Variants in CCNJL observed in about 807,000 individuals in gnomAD.
The protein encoded by CCNJL is cyclin J like.
CCNJL carries 33 observed loss-of-function variants against 33.4 expected under a neutral mutation model. The observed-to-expected ratio is 0.99, with a 90% CI of 0.75 to 1.32. The LOEUF is 1.32. Among genes scored for constraint, CCNJL ranks in the 40% most tolerant of loss-of-function variants. CCNJL has a pLI of 0.00. For missense variants in CCNJL, 512 were observed against 499.7 expected, an observed-to-expected ratio of 1.02 and a Z score of -0.23; for synonymous variants, 227 against 220.9, an observed-to-expected ratio of 1.03 and a Z score of -0.24.
chr5:160,285,720 T>C (rs573734968), intron 2 of CCNJL, among the ~76,000 whole-genome samples: 18 of 152,362 alleles, frequency 1.2e-4, no homozygotes, highest in African/African-American at 4.1e-4. Flanking sequence ...AGGGTGTGCC[T>C]AGACACAGGC....
chr5:160,258,729 G>A (rs1318135317), intron 4 of CCNJL: 4 of 679,772 alleles, frequency 5.9e-6, no homozygotes, highest in Admixed American at 2.2e-5. Flanking sequence ...ACAGAGTCTC[G>A]CTCTGTTGCC....
rs867573415 is a variant in CCNJL at position 160,321,036 on chromosome 5, T to C, written n.207-5531A>G. Among the ~76,000 whole-genome samples, 87 of 65,664 alleles carry C rather than the reference T, an allele frequency of 1.3e-3. 2 individuals carry two copies. The highest frequency in any genetic ancestry group is 0.013 in the Middle Eastern group (2 of 152). 43.1% of individuals were successfully genotyped at this position (65,664 alleles called of 152,430 possible). Reference sequence around the variant, plus strand: ...TCTCTTTCTTTCTTTCTTTCTTTCTTTCTTTCTTTCTTTCTTTCTTTCTTT... The same window carrying C: ...TCTCTTTCTTTCTTTCTTTCTTTCTCTCTTTCTTTCTTTCTTTCTTTCTTT... On this transcript the variant is annotated intron_variant and non_coding_transcript_variant, in intron 1 of 7. Coordinates refer to the CCNJL transcript ENST00000377503.
chr5:160,259,423 G>T lies in CCNJL; in HGVS notation c.583+46C>A. 1.9e-6 allele frequency: 3 copies of T among 1,553,130 alleles called. No individual in the cohort carries two copies. In the South Asian group the frequency reaches 3.6e-5, roughly 19 times the overall value. On this transcript the variant is annotated intron_variant, in intron 4 of 5. Transcript: ENST00000257536. ...AGCCGCCTGACCCCGACCCCTGGGT[G>T]GTGGGGAAGGGGTGGGAGGTCCTGC...
intron 2 of CCNJL, among the ~76,000 whole-genome samples, chr5:160,285,520 G>A (rs1306843596): frequency 4.0e-5 from 6 of 151,274 alleles, no homozygotes; most frequent in East Asian, 1.9e-4. Context: ...GAGGGAAGTC[G>A]TGGCCAACAG....
intron 4 of CCNJL, 96 bp from the exon 5 acceptor site, chr5:160,255,804 G>T: frequency 9.2e-7 from 1 of 1,082,422 alleles, no homozygotes; most frequent in Non-Finnish European, 1.4e-6. Flanking sequence ...TCGCTTTCAA[G>T]GCTTTTCATC....
intron 1 of CCNJL, among the ~76,000 whole-genome samples, chr5:160,319,478 A>T (rs1368112892): frequency 6.6e-6 from 1 of 152,096 alleles, no homozygotes; most frequent in African/African-American, 2.4e-5. Context: ...CCAAATAATT[A>T]TCCATTGCCT....
At chr5:160,289,212 T>C (rs976659205) in intron 2 of CCNJL, among the ~76,000 whole-genome samples, 3 of 152,126 alleles carry the variant, frequency 2.0e-5, no homozygotes, top group African/African-American at 7.2e-5. Flanking sequence ...TTGAAGCATG[T>C]TTAGGAACTG....
At chr5:160,264,179 C>T (rs994433937) in intron 3 of CCNJL, among the ~76,000 whole-genome samples, 1 of 152,076 alleles carries the variant, frequency 6.6e-6, no homozygotes, top group African/African-American at 2.4e-5. Context: ...CCCGCCCCGG[C>T]CTCCCCAAGT....
chr5:160,335,125 T>TG lies in CCNJL; in HGVS notation n.206+4319dup, dbSNP rs572202050. Among the ~76,000 whole-genome samples the TG allele has an allele frequency of 1.2e-3, 178 of 152,232 alleles. 1 individual carries two copies. Among genetic ancestry groups the TG allele is most frequent in the African/African-American group, 4.2e-3 (173 of 41,548 alleles). On this transcript the variant is annotated intron_variant and non_coding_transcript_variant, in intron 1 of 7. Transcript: ENST00000377503. ...TAAAAATACAGCAATTAGTCAGGTG[T>TG]GGTGGCATGCGCCTGTAATCCCAGC...
chr5:160,330,254 T>C (rs1741703433), intron 1 of CCNJL, among the ~76,000 whole-genome samples: 1 of 152,166 alleles, frequency 6.6e-6, no homozygotes. Context: ...CTTAAAAACA[T>C]CCTGAAGTCC....
chr5:160,284,285 G>A (rs935584220), intron 2 of CCNJL, among the ~76,000 whole-genome samples: 8 of 152,100 alleles, frequency 5.3e-5, no homozygotes, highest in Admixed American at 4.6e-4. Flanking sequence ...ACAGGAGGAG[G>A]AGGCTGCAGT....
chr5:160,278,153 T>C (rs946995451), intron 3 of CCNJL, among the ~76,000 whole-genome samples: 9 of 152,162 alleles, frequency 5.9e-5, no homozygotes, highest in African/African-American at 2.2e-4. Context: ...GTTATCCGAC[T>C]GGCCTGGCTA....
chr5:160,296,287 C>T (rs1762748638), intron 2 of CCNJL, among the ~76,000 whole-genome samples: 1 of 152,224 alleles, frequency 6.6e-6, no homozygotes, highest in Admixed American at 6.5e-5. Flanking sequence ...ATTCCCTTCA[C>T]TTACAGGGCA....
At chr5:160,309,715 G>A (rs1763204186) in intron 2 of CCNJL, among the ~76,000 whole-genome samples, 1 of 152,186 alleles carries the variant, frequency 6.6e-6, no homozygotes, top group Non-Finnish European at 1.5e-5. Flanking sequence ...TTTGAAGTGG[G>A]AGAGGAAATA....
In CCNJL at chr5:160,330,726, C is replaced by T. The variant is rs148186408; in HGVS notation, n.206+8719G>A. ...TTACCCAGGCTGGAGTGCAGTGGTG[C>T]GGTCTCGGCTAACTGCAACCTCCTC... On this transcript the variant is annotated intron_variant and non_coding_transcript_variant, in intron 1 of 7. Coordinates refer to the CCNJL transcript ENST00000377503. Among the ~76,000 whole-genome samples, 988 of 151,448 alleles carry T rather than the reference C, an allele frequency of 6.5e-3. 9 individuals are homozygous for T. Among genetic ancestry groups the T allele is most frequent in the African/African-American group, 0.022 (922 of 41,244 alleles).
At chr5:160,288,845 A>G (rs976762191) in intron 2 of CCNJL, among the ~76,000 whole-genome samples, 27 of 151,910 alleles carry the variant, frequency 1.8e-4, no homozygotes, top group Non-Finnish European at 3.1e-4. Context: ...AAAAAAAAAA[A>G]AAAAAAAGAA....
At chr5:160,296,763 CAG>C (rs1215228451) in intron 2 of CCNJL, among the ~76,000 whole-genome samples, 1 of 152,210 alleles carries the variant, frequency 6.6e-6, no homozygotes, top group Non-Finnish European at 1.5e-5. Flanking sequence ...CTGGACCCTG[CAG>C]AGAGATGAAC....
intron 3 of CCNJL, among the ~76,000 whole-genome samples, chr5:160,265,858 GAA>G (rs200091163): frequency 0.027 from 2,626 of 97,104 alleles, 73 homozygotes; most frequent in African/African-American, 0.083. Flanking sequence ...GTCTCCAGGG[GAA>G]AAAAAAAAAA....
At position 160,251,236 on chromosome 5, in the gene CCNJL, A is replaced by G. The variant is rs1760792920; in HGVS notation, c.*2142T>C. 1 of 152,222 alleles carries G rather than the reference A, an allele frequency of 6.6e-6. No homozygotes were observed. Among genetic ancestry groups the G allele is most frequent in the African/African-American group, 2.4e-5 (1 of 41,450 alleles). The allele number at this position is 152,222 out of a possible 1,614,324, so 9.4% of individuals were successfully genotyped here. On this transcript the variant is annotated 3_prime_UTR_variant, in exon 6 of 6. Coordinates refer to ENST00000257536, the MANE Select transcript of CCNJL (RefSeq NM_001308173.3). ...TTGCCTCACGACTGCTAACACAGAA[A>G]TCATGCCTGAGTTTCCAGCCTGTGG...
Sources: gnomAD v4.1 joint callset for allele counts (sites outside exome capture counted in the v4.1 genomes callset) on GRCh38, gnomAD v4.1.1 for gene constraint, MANE v1.5 for transcripts, NCBI Gene and HGNC (gene_info 2026-07-23, HGNC 2026-07-21) for gene names.